Variants in PTPRN2 observed in about 807,000 individuals in gnomAD.
PTPRN2 encodes receptor-type tyrosine-protein phosphatase N2.
PTPRN2 carries 74 observed loss-of-function variants against 118.8 expected under a neutral mutation model. The ratio of observed to expected loss-of-function variants is 0.62; its 90% CI spans 0.52 to 0.76. The LOEUF is 0.76. PTPRN2 is among the 30% of genes least tolerant of loss of function. The pLI is 0.00. For missense variants in PTPRN2, 1,481 were observed against 1,394.4 expected, an observed-to-expected ratio of 1.06 and a Z score of -0.99; for synonymous variants, 641 against 608.0, an observed-to-expected ratio of 1.05 and a Z score of -0.80.
intron 2 of PTPRN2, among the ~76,000 whole-genome samples, chr7:158,445,701 G>A (rs931698637): frequency 6.6e-6 from 1 of 152,258 alleles, no homozygotes; most frequent in Non-Finnish European, 1.5e-5. Context: ...GCATCTTGGG[G>A]TCTATGCTGC....
At chr7:158,457,410 C>T (rs1818597524) in intron 2 of PTPRN2, among the ~76,000 whole-genome samples, 1 of 152,278 alleles carries the variant, frequency 6.6e-6, no homozygotes, top group Non-Finnish European at 1.5e-5. Context: ...GCAGACACCA[C>T]TAGCCCTGAA....
chr7:157,577,004 A>T (rs1332985313), intron 18 of PTPRN2, among the ~76,000 whole-genome samples: 2 of 152,204 alleles, frequency 1.3e-5, no homozygotes, highest in African/African-American at 4.8e-5. Flanking sequence ...GCTTAGTGTT[A>T]TTTAGGGGCT....
At chr7:157,679,219 C>A (rs1176159488) in intron 13 of PTPRN2, among the ~76,000 whole-genome samples, 1 of 152,124 alleles carries the variant, frequency 6.6e-6, no homozygotes, top group Admixed American at 6.6e-5. Context: ...CCAAATATAT[C>A]ATGTTTTATC....
intron 12 of PTPRN2, among the ~76,000 whole-genome samples, chr7:157,840,313 A>G (rs1323854853): frequency 3.3e-5 from 4 of 121,188 alleles, no homozygotes; most frequent in Non-Finnish European, 4.9e-5. Context: ...CTGTGTGGCC[A>G]CGTGTGACTG....
At position 157,627,272 on chromosome 7, in the gene PTPRN2, C is replaced by T. The variant is rs113465858; in HGVS notation, c.2197-5763G>A. ...ACACAGCTCCTTGCTCTGGGCTCTC[C>T]GTCAGTGCCTCTGAGTTGAAGCTTT... On this transcript the variant is annotated intron_variant, in intron 14 of 22. Transcript: ENST00000389418. This position sits in a 1 kb window ranked among gnomAD's most constrained non-coding sequence, Gnocchi z 4.2. Among the ~76,000 whole-genome samples, 421 of 152,352 alleles carry T rather than the reference C, an allele frequency of 2.8e-3. No homozygotes were observed. The highest frequency in any genetic ancestry group is 9.3e-3 in the African/African-American group (388 of 41,574).
intron 10 of PTPRN2, among the ~76,000 whole-genome samples, chr7:158,107,195 C>T (rs1244056481): frequency 6.6e-6 from 1 of 152,034 alleles, no homozygotes; most frequent in Non-Finnish European, 1.5e-5. Flanking sequence ...ATCTTGCTGT[C>T]CACTGTACAT....
chr7:158,145,684 G>T (rs1026829808), intron 6 of PTPRN2, among the ~76,000 whole-genome samples: 1 of 152,236 alleles, frequency 6.6e-6, no homozygotes, highest in Non-Finnish European at 1.5e-5. Flanking sequence ...GCAGCTGCCT[G>T]CACACTTTCT....
chr7:158,571,409 C>T (rs1332698461), intron 1 of PTPRN2, among the ~76,000 whole-genome samples: 1 of 148,972 alleles, frequency 6.7e-6, no homozygotes. Flanking sequence ...ACATGGGAGG[C>T]AGAGGTTGCA....
intron 11 of PTPRN2, among the ~76,000 whole-genome samples, chr7:157,978,831 T>C (rs2128826244): frequency 6.6e-6 from 1 of 152,090 alleles, no homozygotes; most frequent in Admixed American, 6.5e-5. Context: ...GGGGCCAACC[T>C]CACTGCTCGT....
chr7:157,628,316 AG>A (rs1429255391), intron 14 of PTPRN2, among the ~76,000 whole-genome samples: 1 of 152,228 alleles, frequency 6.6e-6, no homozygotes, highest in Non-Finnish European at 1.5e-5. Context: ...CTTGAGGTCA[AG>A]GGGCTGATTT....
intron 11 of PTPRN2, among the ~76,000 whole-genome samples, chr7:157,982,419 C>G (rs186889344): frequency 9.1e-4 from 123 of 134,484 alleles, no homozygotes; most frequent in Non-Finnish European, 1.6e-3. Context: ...AACCCCAAGT[C>G]AAAGAGACGA....
chr7:158,496,268 AC>A (rs1234143493), intron 1 of PTPRN2, among the ~76,000 whole-genome samples: 3 of 51,832 alleles, frequency 5.8e-5, no homozygotes, highest in African/African-American at 2.3e-4. Context: ...TCTTCCCTGC[AC>A]CCCCTCCCCT....
At position 157,974,904 on chromosome 7, in the gene PTPRN2, T is replaced by C. The variant is rs1338054089; in HGVS notation, c.1724-76167A>G. ...AGCCCCTCAGGCATGTTCACCATCA[T>C]GGCGCACATGTCTGGGAGTGAGCAG... On this transcript the variant is annotated intron_variant, in intron 11 of 22. Coordinates refer to ENST00000389418, the MANE Select transcript of PTPRN2 (RefSeq NM_002847.5). The surrounding 1 kb of genome is among the most constrained non-coding windows in gnomAD (Gnocchi z 4.0). Among the ~76,000 whole-genome samples, 1 of 152,034 alleles carries C rather than the reference T, an allele frequency of 6.6e-6. No homozygotes were observed. The highest frequency in any genetic ancestry group is 6.5e-5 in the Admixed American group (1 of 15,268).
intron 2 of PTPRN2, among the ~76,000 whole-genome samples, chr7:158,468,569 C>A (rs1278289803): frequency 6.6e-6 from 1 of 151,442 alleles, no homozygotes; most frequent in African/African-American, 2.4e-5. Context: ...CCAGGTGTTT[C>A]CAGGTGTTAC....
intron 14 of PTPRN2, among the ~76,000 whole-genome samples, chr7:157,642,814 C>CTAAAAAAA (rs1804758074): frequency 4.1e-5 from 1 of 24,204 alleles, no homozygotes; most frequent in Non-Finnish European, 8.4e-5. Flanking sequence ...CAAGAAACAG[C>CTAAAAAAA]AAAAAAAAAA....
chr7:157,768,303 C>A (rs188384924), intron 12 of PTPRN2, among the ~76,000 whole-genome samples: 1 of 152,234 alleles, frequency 6.6e-6, no homozygotes, highest in Admixed American at 6.5e-5. Context: ...TCTGCTCCTC[C>A]GAGCAGCTCA....
intron 2 of PTPRN2, among the ~76,000 whole-genome samples, chr7:158,424,586 GCC>G (rs1241366533): frequency 3.3e-5 from 5 of 152,232 alleles, no homozygotes; most frequent in Non-Finnish European, 5.9e-5. Context: ...ATACACACAT[GCC>G]AGCACGCGTA....
intron 11 of PTPRN2, among the ~76,000 whole-genome samples, chr7:158,049,955 C>T (rs1809203458): frequency 6.6e-6 from 1 of 152,056 alleles, no homozygotes; most frequent in Non-Finnish European, 1.5e-5. Flanking sequence ...TTATTTGTTG[C>T]AATGTAGCTA....
At chr7:157,773,588 G>C (rs1356621468) in intron 12 of PTPRN2, among the ~76,000 whole-genome samples, 1 of 152,240 alleles carries the variant, frequency 6.6e-6, no homozygotes, top group Non-Finnish European at 1.5e-5. Flanking sequence ...GTAGTGGGCT[G>C]TGGGGCCAGG....
Sources: allele counts gnomAD v4.1 joint callset (sites outside exome capture counted in the v4.1 genomes callset), GRCh38; gene constraint gnomAD v4.1.1; non-coding constraint Gnocchi (gnomAD v3.1); transcripts MANE v1.5; gene names NCBI Gene and HGNC (gene_info 2026-07-23, HGNC 2026-07-21).